NAV2: variants seen among roughly 807,000 people sequenced by gnomAD.
NAV2 encodes neuron navigator 2, also known as helicase, APC down-regulated 1.
NAV2 carries 54 observed loss-of-function variants against 223.2 expected under a neutral mutation model. The ratio of observed to expected loss-of-function variants is 0.24; its 90% CI spans 0.19 to 0.30. NAV2 has a LOEUF of 0.30. Ranked by LOEUF, NAV2 falls within the 10% of genes least tolerant of loss-of-function variation. The pLI, the probability that NAV2 is intolerant of heterozygous loss-of-function variation, is 1.00. For missense variants in NAV2, 2,806 were observed against 3,147.5 expected (o/e 0.89, Z 2.60); for synonymous variants, 1,279 against 1,239.3 (o/e 1.03, Z -0.67).
chr11:19,431,885 A>C (rs1367349194), intron 1 of NAV2, among the ~76,000 whole-genome samples: 1 of 152,212 alleles, frequency 6.6e-6, no homozygotes, highest in Non-Finnish European at 1.5e-5. Context: ...CATACATCAT[A>C]GTGTGATCTG....
intron 5 of NAV2, among the ~76,000 whole-genome samples, chr11:19,885,776 T>C (rs2040913571): frequency 6.6e-6 from 1 of 152,252 alleles, no homozygotes; most frequent in Non-Finnish European, 1.5e-5. Context: ...TCAATACATA[T>C]TCTTATTGAG....
intron 1 of NAV2, among the ~76,000 whole-genome samples, chr11:19,678,776 C>A (rs1371506756): frequency 6.6e-6 from 1 of 152,142 alleles, no homozygotes; most frequent in African/African-American, 2.4e-5. Context: ...AATGCTAATG[C>A]CCGGATTGGC....
chr11:19,559,026 A>C (rs2045003475), intron 1 of NAV2, among the ~76,000 whole-genome samples: 1 of 152,224 alleles, frequency 6.6e-6, no homozygotes, highest in South Asian at 2.1e-4. Context: ...CATAAGTCAA[A>C]GCAAGTTACA....
intron 7 of NAV2, among the ~76,000 whole-genome samples, chr11:19,935,864 T>TTTTTTTG (rs2045834567): frequency 9.9e-6 from 1 of 101,154 alleles, no homozygotes; most frequent in Admixed American, 1.1e-4. Flanking sequence ...TTTTTTTTTT[T>TTTTTTTG]TTTTTTTTTT....
At chr11:20,098,813 G>A (rs114445706) in intron 31 of NAV2, among the ~76,000 whole-genome samples, 1,708 of 152,330 alleles carry the variant, frequency 0.011, 26 homozygotes, top group African/African-American at 0.039. Context: ...TCATGGCCTT[G>A]GGCAATCCAG....
intron 6 of NAV2, among the ~76,000 whole-genome samples, chr11:19,905,443 G>A (rs1486765837): frequency 6.6e-6 from 1 of 152,204 alleles, no homozygotes; most frequent in East Asian, 1.9e-4. Context: ...TCACTGACAT[G>A]CTGTAGGGGG....
At chr11:19,476,307 A>T (rs2042113224) in intron 1 of NAV2, among the ~76,000 whole-genome samples, 1 of 152,158 alleles carries the variant, frequency 6.6e-6, no homozygotes, top group African/African-American at 2.4e-5. Context: ...ACAGTCAAAA[A>T]TAGTTCTCTA....
At chr11:19,675,812 G>A (rs1021039760) in intron 1 of NAV2, among the ~76,000 whole-genome samples, 2 of 152,146 alleles carry the variant, frequency 1.3e-5, no homozygotes, top group African/African-American at 4.8e-5. Flanking sequence ...TATTTGTACA[G>A]CAATTGGTAA....
chr11:19,600,748 G>A (rs530801154), intron 1 of NAV2, among the ~76,000 whole-genome samples: 1 of 152,268 alleles, frequency 6.6e-6, no homozygotes, highest in South Asian at 2.1e-4. Context: ...ACACATAAAA[G>A]CAATTATAAT....
At chr11:19,977,790 A>ACTTTTTT (rs1195061103) in intron 10 of NAV2, among the ~76,000 whole-genome samples, 50 of 142,110 alleles carry the variant, frequency 3.5e-4, no homozygotes, top group African/African-American at 1.3e-3. Flanking sequence ...AGAGAGGTCA[A>ACTTTTTT]CTTTTTTCTT....
At chr11:20,084,627 C>T (rs1230626425) in intron 26 of NAV2, among the ~76,000 whole-genome samples, 1 of 152,142 alleles carries the variant, frequency 6.6e-6, no homozygotes, top group African/African-American at 2.4e-5. Context: ...GTGCCCAGCC[C>T]AGTGTCCTGT....
intron 31 of NAV2, among the ~76,000 whole-genome samples, chr11:20,099,478 G>A (rs1267266542): frequency 6.6e-6 from 1 of 152,214 alleles, no homozygotes; most frequent in East Asian, 1.9e-4. Context: ...CCTGCCTCTA[G>A]TGGAGCGTGC....
intron 1 of NAV2, among the ~76,000 whole-genome samples, chr11:19,488,882 G>C: frequency 6.6e-6 from 1 of 152,208 alleles, no homozygotes; most frequent in Non-Finnish European, 1.5e-5. Context: ...CATGCCTACT[G>C]ACAGGTCTTC....
At position 19,746,374 on chromosome 11, in the gene NAV2, G is replaced by GT. The variant is rs67132676; in HGVS notation, c.267+32421dup. 5.9e-3 allele frequency among the ~76,000 whole-genome samples: 899 copies of GT among 151,438 alleles called. 6 individuals carry two copies. The highest frequency in any genetic ancestry group is 0.01 in the Non-Finnish European group (680 of 67,784). On this transcript the variant is annotated intron_variant, in intron 1 of 37. Coordinates refer to ENST00000349880, the MANE Select transcript of NAV2 (RefSeq NM_145117.5). ...AACTGACTTCAGTATGCGTTTGTAT[G>GT]TTTTTTTTTAACTAGAGTAAATTTG...
intron 11 of NAV2, among the ~76,000 whole-genome samples, chr11:20,018,925 G>A (rs1250889063): frequency 2.6e-5 from 4 of 152,202 alleles, no homozygotes; most frequent in Non-Finnish European, 4.4e-5. Flanking sequence ...AGGAGGCACA[G>A]TGCGAGGGCC....
At chr11:19,897,886 T>TATATATATATATATATATATATATATA (rs1555129987) in intron 6 of NAV2, among the ~76,000 whole-genome samples, 10 of 120,664 alleles carry the variant, frequency 8.3e-5, no homozygotes, top group African/African-American at 3.4e-4. Flanking sequence ...GACCTGTGAT[T>TATATATATATATATATATATATATATA]TATATATATA....
intron 10 of NAV2, among the ~76,000 whole-genome samples, chr11:19,962,792 CCCCAAGT>C (rs1383259932): frequency 1.3e-5 from 2 of 152,150 alleles, no homozygotes; most frequent in African/African-American, 4.8e-5. Flanking sequence ...TAAGGAGAGG[CCCCAAGT>C]TTGTCTCCAG....
At chr11:19,514,229 T>G (rs917620163) in intron 1 of NAV2, among the ~76,000 whole-genome samples, 48 of 152,170 alleles carry the variant, frequency 3.2e-4, no homozygotes, top group African/African-American at 1.1e-3. Flanking sequence ...GTGTTTGTCT[T>G]GGAGGGTGCC....
In NAV2 at chr11:19,948,694, A is replaced by G. The variant is rs1006109997; in HGVS notation, c.2259A>G (p.Thr753=). 6 of 1,576,042 alleles carry G rather than the reference A, an allele frequency of 3.8e-6. No individual in the cohort carries two copies. Among genetic ancestry groups the G allele is most frequent in the Non-Finnish European group, 5.2e-6 (6 of 1,155,748 alleles). ...SLRGTQVTHS[T]LETTFDTNVT... ...ATCAGGTTGGTTTTGTTTCTAGCAC[A>G]TTGGAAACCACGTTTGACACCAATG... Residue 753 remains threonine, a synonymous_variant, in exon 10 of 38, where the codon ACA becomes ACG. Transcript: ENST00000349880.
Sources: allele counts gnomAD v4.1 joint callset (sites outside exome capture counted in the v4.1 genomes callset), GRCh38; gene constraint gnomAD v4.1.1; transcripts MANE v1.5; gene names NCBI Gene and HGNC (gene_info 2026-07-23, HGNC 2026-07-21).